Variants in HAT1 observed in about 807,000 individuals in gnomAD.
HAT1 encodes the protein histone acetyltransferase 1.
In HAT1, 20 loss-of-function variants were observed where a neutral mutation model predicts 56.6. That is an observed-to-expected ratio of 0.35 (90% CI 0.25 to 0.51). HAT1 has a LOEUF of 0.51. HAT1 is among the 20% of genes least tolerant of loss of function. The pLI is 0.95. For synonymous variants in HAT1, 146 were observed against 165.5 expected, an observed-to-expected ratio of 0.88 and a Z score of 0.91; for missense variants, 408 against 504.3, an observed-to-expected ratio of 0.81 and a Z score of 1.83.
intron 2 of HAT1, among the ~76,000 whole-genome samples, chr2:171,929,008 A>G (rs1355152737): frequency 6.6e-6 from 1 of 152,132 alleles, no homozygotes; most frequent in Non-Finnish European, 1.5e-5. Context: ...TTTATGGGAT[A>G]CTTGGCCAGA....
intron 8 of HAT1, among the ~76,000 whole-genome samples, chr2:171,974,193 G>GAAAAAGAAAAAA (rs1687898257): frequency 1.1e-5 from 1 of 92,790 alleles, no homozygotes; most frequent in Non-Finnish European, 2.0e-5. Context: ...AAAAAAAAAA[G>GAAAAAGAAAAAA]AAAAAAAGAA....
intron 2 of HAT1, among the ~76,000 whole-genome samples, chr2:171,938,839 C>G (rs1490092227): frequency 2.0e-5 from 3 of 152,058 alleles, no homozygotes; most frequent in Non-Finnish European, 4.4e-5. Flanking sequence ...TTCCTGGATT[C>G]AAGTGATTCT....
intron 2 of HAT1, among the ~76,000 whole-genome samples, chr2:171,929,575 T>C (rs1303304051): frequency 9.9e-5 from 15 of 152,258 alleles, no homozygotes; most frequent in Admixed American, 8.5e-4. Flanking sequence ...CCTAATGTTT[T>C]CTTCTGGAAG....
At chr2:171,951,465 G>T (rs1687306251) in intron 3 of HAT1, among the ~76,000 whole-genome samples, 1 of 151,954 alleles carries the variant, frequency 6.6e-6, no homozygotes, top group East Asian at 1.9e-4. Flanking sequence ...TGTTGCCCAG[G>T]CTGAAGTGCA....
At chr2:171,949,125 T>G (rs1687240160) in intron 3 of HAT1, among the ~76,000 whole-genome samples, 1 of 152,206 alleles carries the variant, frequency 6.6e-6, no homozygotes, top group South Asian at 2.1e-4. Context: ...CCTTTTTCAT[T>G]TATTAGTTGG....
intron 7 of HAT1, 64 bp downstream of exon 7, chr2:171,966,577 A>G (rs1274848360): frequency 1.2e-6 from 1 of 808,084 alleles, no homozygotes; most frequent in Non-Finnish European, 2.2e-6. Context: ...TGAAGTTTCC[A>G]ATACTTGTTA....
chr2:171,925,200 G>A (rs1434207459), intron 1 of HAT1, among the ~76,000 whole-genome samples: 2 of 150,936 alleles, frequency 1.3e-5, no homozygotes, highest in East Asian at 3.9e-4. Flanking sequence ...AGCCTCCCAA[G>A]TAGCTGGGAT....
intron 8 of HAT1, among the ~76,000 whole-genome samples, chr2:171,973,330 T>C (rs1163098754): frequency 6.7e-6 from 1 of 149,120 alleles, no homozygotes; most frequent in Non-Finnish European, 1.5e-5. Flanking sequence ...TTGTTCTTTT[T>C]CAAAATTATT....
chr2:171,973,895 T>C (rs925860420), intron 8 of HAT1, among the ~76,000 whole-genome samples: 1 of 152,040 alleles, frequency 6.6e-6, no homozygotes, highest in East Asian at 1.9e-4. Flanking sequence ...ATGAAATGTC[T>C]TGGGCCAGGC....
At chr2:171,959,600 C>T (rs1302385168) in intron 4 of HAT1, among the ~76,000 whole-genome samples, 1 of 152,148 alleles carries the variant, frequency 6.6e-6, no homozygotes, top group African/African-American at 2.4e-5. Flanking sequence ...ATTGCGTATT[C>T]AAACAAAGAC....
chr2:171,954,870 C>T (rs2105326984), intron 4 of HAT1, among the ~76,000 whole-genome samples: 1 of 152,228 alleles, frequency 6.6e-6, no homozygotes, highest in East Asian at 1.9e-4. Context: ...AATGTAATGA[C>T]ATGTATCCTA....
intron 9 of HAT1, 71 bp from the exon 10 acceptor site, chr2:171,979,176 C>T (rs1688066648): frequency 1.3e-6 from 1 of 743,096 alleles, no homozygotes; most frequent in Admixed American, 2.3e-5. Flanking sequence ...TAAATATATC[C>T]TGTGTTCTTT....
Position 171,965,480 on chromosome 2 carries a change from C to A in HAT1, c.452C>A (p.Pro151Gln). The A allele has an allele frequency of 6.2e-7, 1 of 1,600,052 alleles. No homozygotes were observed. Among genetic ancestry groups the A allele is most frequent in the Non-Finnish European group, 8.5e-7 (1 of 1,172,540 alleles). ...TLLHTYSVLS[P>Q]TGGENFTFQI... Reference sequence around the variant, plus strand: ...CTTCATACCTACTCAGTTCTCAGTCCAACAGGAGGAGAAAACTTTACCTTT... The same window carrying A: ...CTTCATACCTACTCAGTTCTCAGTCAAACAGGAGGAGAAAACTTTACCTTT... The change falls in exon 5 of 11, where the codon CCA (proline) becomes CAA (glutamine). Residue 151 changes from proline to glutamine, a missense_variant. Physicochemically the swap from Pro to Gln is moderately conservative, Grantham distance 76. Coordinates refer to ENST00000264108, the MANE Select transcript of HAT1 (RefSeq NM_003642.4).
Position 171,983,614 on chromosome 2 carries a change from T to C in HAT1, c.*262T>C, listed in dbSNP as rs1688188984. 4 of 270,558 alleles carry C rather than the reference T, an allele frequency of 1.5e-5. No individual in the cohort carries two copies. Among genetic ancestry groups the C allele is most frequent in the Non-Finnish European group, 2.1e-5 (3 of 145,308 alleles). The allele number at this position is 270,558 out of a possible 1,614,324, so 16.8% of individuals were successfully genotyped here. A position where few individuals can be genotyped will look rare whatever the true frequency, so the allele number is the denominator to read the frequency against. On this transcript the variant is annotated 3_prime_UTR_variant, in exon 11 of 11. Transcript: ENST00000264108. ...CCTTCTTAAACAGTATAATAAATGC[T>C]TAGTTGTGATATGTTAATGTGTGAT...
At chr2:171,930,399 G>T (rs6750058) in intron 2 of HAT1, among the ~76,000 whole-genome samples, 42,788 of 151,932 alleles carry the variant, frequency 0.28, 6,223 homozygotes, top group Non-Finnish European at 0.31. Flanking sequence ...TGAACTTCTG[G>T]GTTCGAGTGA....
chr2:171,973,130 T>A, intron 8 of HAT1, among the ~76,000 whole-genome samples: 1 of 152,128 alleles, frequency 6.6e-6, no homozygotes, highest in East Asian at 1.9e-4. Flanking sequence ...TTCTCCACTC[T>A]CTTCTTGTGT....
chr2:171,971,219 T>C (rs936554875), intron 8 of HAT1, among the ~76,000 whole-genome samples: 1 of 152,112 alleles, frequency 6.6e-6, no homozygotes, highest in African/African-American at 2.4e-5. Flanking sequence ...AACAAAAAAA[T>C]GTTTTACAAG....
intron 4 of HAT1, among the ~76,000 whole-genome samples, chr2:171,963,569 A>T (rs1687622205): frequency 6.6e-6 from 1 of 152,220 alleles, no homozygotes; most frequent in African/African-American, 2.4e-5. Context: ...TGAAAGTCTT[A>T]AAGTGATTTT....
In HAT1 at chr2:171,945,161, G is replaced by A. The variant is rs148517732; in HGVS notation, c.113-1547G>A. On this transcript the variant is annotated intron_variant, in intron 2 of 10. Transcript: ENST00000264108. ...GCTGGGATTACAGGTGTGAGCCACC[G>A]CGCCCAGCCCTCCAATTTTTCTTTA... is the stretch of plus-strand genomic sequence containing the variant. Among the ~76,000 whole-genome samples the A allele has an allele frequency of 0.034, 5,123 of 151,936 alleles. 824 individuals carry two copies. The East Asian group carries it at 0.54, about 16-fold the overall frequency.
Sources: gnomAD v4.1 joint callset for allele counts (sites outside exome capture counted in the v4.1 genomes callset) on GRCh38, gnomAD v4.1.1 for gene constraint, MANE v1.5 for transcripts, NCBI Gene and HGNC (gene_info 2026-07-23, HGNC 2026-07-21) for gene names.